SDK1: variants seen among roughly 807,000 people sequenced by gnomAD.
The protein encoded by SDK1 is protein sidekick-1.
SDK1 carries 157 observed loss-of-function variants against 245.5 expected under a neutral mutation model. The observed-to-expected ratio is 0.64, with a 90% CI of 0.56 to 0.73. The LOEUF (loss-of-function observed/expected upper bound fraction) is 0.73. SDK1 is among the 30% of genes least tolerant of loss of function. The pLI, the probability that SDK1 is intolerant of heterozygous loss-of-function variation, is 0.00. For missense variants in SDK1, 3,583 were observed against 3,002.3 expected, an observed-to-expected ratio of 1.19 and a Z score of -4.52; for synonymous variants, 1,647 against 1,278.5, an observed-to-expected ratio of 1.29 and a Z score of -6.15.
chr7:4,177,516 A>G (rs1416339347), intron 34 of SDK1, among the ~76,000 whole-genome samples: 1 of 152,144 alleles, frequency 6.6e-6, no homozygotes, highest in Non-Finnish European at 1.5e-5. Context: ...TTTGGTTACC[A>G]GCGTCCTTCT....
At chr7:3,850,130 G>C (rs1780381047) in intron 5 of SDK1, among the ~76,000 whole-genome samples, 1 of 152,146 alleles carries the variant, frequency 6.6e-6, no homozygotes, top group South Asian at 2.1e-4. Flanking sequence ...AGCCAGGTAG[G>C]AGAATGAAGA....
chr7:4,092,232 G>A (rs941312976), intron 22 of SDK1, among the ~76,000 whole-genome samples: 13 of 152,180 alleles, frequency 8.5e-5, no homozygotes, highest in Admixed American at 3.9e-4. Context: ...GCAACTTTAC[G>A]AATGCATCTC....
intron 44 of SDK1, among the ~76,000 whole-genome samples, chr7:4,256,807 A>G (rs576051924): frequency 2.0e-5 from 3 of 152,294 alleles, no homozygotes; most frequent in South Asian, 2.1e-4. Flanking sequence ...TCTGCTAGAA[A>G]AACTCTCCTG....
intron 5 of SDK1, among the ~76,000 whole-genome samples, chr7:3,864,278 A>T (rs1237667166): frequency 6.6e-6 from 1 of 152,112 alleles, no homozygotes; most frequent in East Asian, 1.9e-4. Context: ...TCTTCTCCTT[A>T]CGTTTCCTAT....
chr7:4,225,945 C>T (rs923361327), intron 40 of SDK1, among the ~76,000 whole-genome samples: 4 of 151,986 alleles, frequency 2.6e-5, no homozygotes, highest in African/African-American at 7.2e-5. Context: ...AAGCAGGCCG[C>T]GGGACCCGTG....
chr7:3,319,680 G>A (rs886623397), intron 1 of SDK1, among the ~76,000 whole-genome samples: 1 of 151,978 alleles, frequency 6.6e-6, no homozygotes, highest in Non-Finnish European at 1.5e-5. Flanking sequence ...TCTAGTGATG[G>A]CCTGCATGTC....
chr7:4,127,983 G>A (rs528147190), intron 26 of SDK1, among the ~76,000 whole-genome samples: 1 of 152,308 alleles, frequency 6.6e-6, no homozygotes, highest in Non-Finnish European at 1.5e-5. Flanking sequence ...CACGGTCCTA[G>A]CAATGGCATC....
chr7:3,755,073 A>C (rs1000566311), intron 4 of SDK1, among the ~76,000 whole-genome samples: 4 of 152,344 alleles, frequency 2.6e-5, no homozygotes, highest in African/African-American at 9.6e-5. Flanking sequence ...AGAGCTTGCT[A>C]TACCAAGGGA....
At chr7:3,437,669 G>T (rs1020098903) in intron 1 of SDK1, among the ~76,000 whole-genome samples, 2 of 152,126 alleles carry the variant, frequency 1.3e-5, no homozygotes, top group African/African-American at 4.8e-5. Context: ...TCAGGGGGCA[G>T]GGCTAGGAGT....
At chr7:3,587,601 A>G (rs911452981) in intron 1 of SDK1, among the ~76,000 whole-genome samples, 6 of 152,182 alleles carry the variant, frequency 3.9e-5, no homozygotes, top group East Asian at 3.8e-4. Flanking sequence ...TCAGCCCCCA[A>G]TGGACTGGAC....
At chr7:3,369,077 C>A (rs996803395) in intron 1 of SDK1, among the ~76,000 whole-genome samples, 1 of 151,708 alleles carries the variant, frequency 6.6e-6, no homozygotes, top group Non-Finnish European at 1.5e-5. Context: ...CAGAGTCTTG[C>A]TCTGTTGGCC....
chr7:4,123,755 T>C (rs1784213376), intron 25 of SDK1, among the ~76,000 whole-genome samples: 1 of 152,224 alleles, frequency 6.6e-6, no homozygotes, highest in Non-Finnish European at 1.5e-5. Context: ...ACAGTGTTTT[T>C]ATAGTGACAG....
intron 1 of SDK1, among the ~76,000 whole-genome samples, chr7:3,585,323 G>A (rs894048596): frequency 6.6e-6 from 1 of 152,188 alleles, no homozygotes; most frequent in Non-Finnish European, 1.5e-5. Flanking sequence ...AGAGGAAACA[G>A]GTAGTTGATG....
At chr7:3,528,612 A>G (rs56074153) in intron 1 of SDK1, among the ~76,000 whole-genome samples, 90,861 of 151,954 alleles carry the variant, frequency 0.6, 27,520 homozygotes, top group South Asian at 0.78. Context: ...GGAGATTCTC[A>G]TAACAATCTT....
chr7:4,235,664 A>G (rs1786115864), intron 41 of SDK1, among the ~76,000 whole-genome samples: 1 of 152,242 alleles, frequency 6.6e-6, no homozygotes. Context: ...TTACACATGC[A>G]CAGAAAGCCG....
intron 1 of SDK1, among the ~76,000 whole-genome samples, chr7:3,431,798 G>A (rs953475790): frequency 5.3e-5 from 8 of 152,072 alleles, no homozygotes; most frequent in African/African-American, 1.9e-4. Context: ...GGATCTACCT[G>A]ATAGAAACAT....
rs184324091 is a variant in SDK1, at chr7:3,408,177, A to G, written c.298+106293A>G. Among the ~76,000 whole-genome samples the G allele has an allele frequency of 2.0e-3, 299 of 152,110 alleles. 1 individual carries two copies. Among genetic ancestry groups the G allele is most frequent in the Non-Finnish European group, 3.4e-3 (234 of 68,002 alleles). On this transcript the variant is annotated intron_variant, in intron 1 of 44. Coordinates refer to ENST00000404826, the MANE Select transcript of SDK1 (RefSeq NM_152744.4). ...CTCAGTCTCCTGAGTAGCTGGGACT[A>G]CAGATATGTGCCACCATGCCTGGCC... is the stretch of plus-strand genomic sequence containing the variant.
intron 36 of SDK1, among the ~76,000 whole-genome samples, chr7:4,207,533 C>T (rs540219808): frequency 6.6e-6 from 1 of 152,182 alleles, no homozygotes; most frequent in African/African-American, 2.4e-5. Flanking sequence ...GTTCTCCTGC[C>T]TGTTGTTTTT....
chr7:3,663,254 G>T (rs780552654), intron 4 of SDK1, among the ~76,000 whole-genome samples: 5 of 152,178 alleles, frequency 3.3e-5, no homozygotes, highest in Non-Finnish European at 7.3e-5. Context: ...AATGATAATA[G>T]TACAGTGTCC....
Sources: gnomAD v4.1 joint callset for allele counts (sites outside exome capture counted in the v4.1 genomes callset) on GRCh38, gnomAD v4.1.1 for gene constraint, MANE v1.5 for transcripts, NCBI Gene and HGNC (gene_info 2026-07-23, HGNC 2026-07-21) for gene names.